TPCN1: variants seen among roughly 807,000 people sequenced by gnomAD.
The protein encoded by TPCN1 is two pore channel protein 1.
A neutral mutation model predicts 108.8 loss-of-function variants in TPCN1; 52 were observed. That is an observed-to-expected ratio of 0.48 (90% confidence interval 0.38 to 0.60). TPCN1 has a LOEUF of 0.60. TPCN1 is among the 20% of genes least tolerant of loss of function. The pLI is 0.00. For synonymous variants in TPCN1, 446 were observed against 433.7 expected (o/e 1.03, Z -0.35); for missense variants, 806 against 1,072.8 (o/e 0.75, Z 3.47).
In TPCN1 at chr12:113,273,343, C is replaced by G. The variant is rs1408076086; in HGVS notation, c.842+53C>G. ...GTCCTCTGCTGCCGCCCTGGGGTCT[C>G]TTTCTCTTTTCTGCCAAGTATATTC... On this transcript the variant is annotated intron_variant, in intron 9 of 27. Coordinates refer to ENST00000335509, the MANE Select transcript of TPCN1 (RefSeq NM_017901.6). This position sits in a 1 kb window ranked among gnomAD's most constrained non-coding sequence, Gnocchi z 4.0. The G allele has an allele frequency of 2.5e-6, 4 of 1,576,910 alleles. No individual in the cohort carries two copies. Among genetic ancestry groups the G allele is most frequent in the African/African-American group, 1.3e-5 (1 of 74,160 alleles).
At chr12:113,230,719 G>A (rs1024116209) in intron 2 of TPCN1, among the ~76,000 whole-genome samples, 3 of 152,138 alleles carry the variant, frequency 2.0e-5, no homozygotes, top group African/African-American at 7.2e-5. Context: ...GCCTCCTGAA[G>A]CGCTGGGATT....
chr12:113,227,053 G>C (rs1953497480), intron 2 of TPCN1, 89 bp downstream of exon 2: 1 of 1,113,632 alleles, frequency 9.0e-7, no homozygotes, highest in Non-Finnish European at 1.3e-6. Context: ...GATAGTAGGG[G>C]TGTGTAACTT....
In TPCN1 at chr12:113,288,356, G is replaced by C. The variant is rs761309173; in HGVS notation, c.1706+122G>C. 2.6e-6 allele frequency: 4 copies of C among 1,527,724 alleles called. No individual in the cohort carries two copies. The highest frequency in any genetic ancestry group is 3.5e-6 in the Non-Finnish European group (4 of 1,139,452). 94.6% of individuals were successfully genotyped at this position (1,527,724 alleles called of 1,614,324 possible). A position where few individuals can be genotyped will look rare whatever the true frequency, so the allele number is the denominator to read the frequency against. On this transcript the variant is annotated intron_variant, in intron 20 of 27. Transcript: ENST00000335509. The surrounding 1 kb of genome is among the most constrained non-coding windows in gnomAD (Gnocchi z 4.8). ...CACAAAGGACTGCAATCGAGGGCCT[G>C]ACGGGGCTCCAAGGAGCCTGGAATC...
intron 2 of TPCN1, among the ~76,000 whole-genome samples, chr12:113,258,156 C>T (rs1300968994): frequency 1.3e-5 from 2 of 152,066 alleles, no homozygotes; most frequent in South Asian, 2.1e-4. Context: ...CACAACTTAG[C>T]GAAACTGTTT....
At chr12:113,278,081 C>A in intron 12 of TPCN1, 108 bp from the exon 13 acceptor site, 1 of 895,614 alleles carries the variant, frequency 1.1e-6, no homozygotes, top group Non-Finnish European at 1.8e-6. Flanking sequence ...TGTCCCCTCT[C>A]TTCCTCCCTC....
chr12:113,281,406 A>G (rs1955882848), intron 15 of TPCN1, among the ~76,000 whole-genome samples: 1 of 152,218 alleles, frequency 6.6e-6, no homozygotes, highest in Non-Finnish European at 1.5e-5. Context: ...AAAAAAAAAT[A>G]AATATCCAGG....
chr12:113,280,908 T>C lies in TPCN1; in HGVS notation c.1342+713T>C, dbSNP rs77022732. Among the ~76,000 whole-genome samples, 62 of 152,334 alleles carry C rather than the reference T, an allele frequency of 4.1e-4. 2 individuals are homozygous for C. In the East Asian group the frequency reaches 0.012, roughly 29 times the overall value. On this transcript the variant is annotated intron_variant, in intron 15 of 27. Coordinates refer to ENST00000335509, the MANE Select transcript of TPCN1 (RefSeq NM_017901.6). Reference sequence around the variant, plus strand: ...TGGTCATTGTTTCTAGGCCTTTCCATGGACAGAACTAGGGTTTTGTTTTTT... The same window carrying C: ...TGGTCATTGTTTCTAGGCCTTTCCACGGACAGAACTAGGGTTTTGTTTTTT...
chr12:113,239,629 A>G (rs1435592445), intron 2 of TPCN1, among the ~76,000 whole-genome samples: 1 of 152,178 alleles, frequency 6.6e-6, no homozygotes, highest in Admixed American at 6.5e-5. Context: ...AAGGAGACTC[A>G]TTCACATGTG....
intron 10 of TPCN1, among the ~76,000 whole-genome samples, chr12:113,276,405 CT>C (rs947415961): frequency 2.6e-5 from 4 of 152,182 alleles, no homozygotes; most frequent in Non-Finnish European, 4.4e-5. Flanking sequence ...TCTCACTCCC[CT>C]TTTTCCTGGG....
chr12:113,286,645 C>T (rs1262360663), intron 18 of TPCN1, among the ~76,000 whole-genome samples: 3 of 152,190 alleles, frequency 2.0e-5, no homozygotes, highest in Non-Finnish European at 2.9e-5. Context: ...GAGCGGAAGA[C>T]GAGGCCTGTC....
At position 113,272,758 on chromosome 12, in the gene TPCN1, C is replaced by T. The variant is rs1413494323; in HGVS notation, c.783+66C>T. ...GGGCTTTTCCCTCAGACAGGGTCACCGGCGTGACCCTGTGGCCATATGGGG... is the reference window on the plus strand; with the variant it reads ...GGGCTTTTCCCTCAGACAGGGTCACTGGCGTGACCCTGTGGCCATATGGGG... On this transcript the variant is annotated intron_variant, in intron 8 of 27. Coordinates refer to ENST00000335509, the MANE Select transcript of TPCN1 (RefSeq NM_017901.6). The surrounding 1 kb of genome is among the most constrained non-coding windows in gnomAD (Gnocchi z 4.1). 1.5e-5 allele frequency: 23 copies of T among 1,492,676 alleles called. No homozygotes were observed. The highest frequency in any genetic ancestry group is 6.7e-5 in the Admixed American group (4 of 59,792). The allele number at this position is 1,492,676 out of a possible 1,614,324, so 92.5% of individuals were successfully genotyped here.
At chr12:113,278,686 CAGGAA>C (rs1955757976) in intron 13 of TPCN1, 81 bp from the exon 14 acceptor site, 3 of 1,098,646 alleles carry the variant, frequency 2.7e-6, no homozygotes, top group Non-Finnish European at 4.2e-6. Context: ...GCAGGGTGAA[CAGGAA>C]AGGAAGCCAG....
intron 2 of TPCN1, among the ~76,000 whole-genome samples, chr12:113,248,596 G>T (rs1482603314): frequency 6.6e-6 from 1 of 152,204 alleles, no homozygotes; most frequent in Non-Finnish European, 1.5e-5. Flanking sequence ...GGAGGCAGAG[G>T]CCCCAAGGCG....
chr12:113,238,982 AAGTT>A (rs1415784194), intron 2 of TPCN1, among the ~76,000 whole-genome samples: 1 of 152,076 alleles, frequency 6.6e-6, no homozygotes, highest in Non-Finnish European at 1.5e-5. Flanking sequence ...AAGTTAAAAA[AAGTT>A]AGCCAGGTGT....
At chr12:113,264,270 G>A (rs1313235813) in intron 3 of TPCN1, among the ~76,000 whole-genome samples, 1 of 152,210 alleles carries the variant, frequency 6.6e-6, no homozygotes. Context: ...TTGCTGCTGG[G>A]TCTGTGGTTT....
chr12:113,256,263 G>A (rs1197361221), intron 2 of TPCN1, among the ~76,000 whole-genome samples: 1 of 151,400 alleles, frequency 6.6e-6, no homozygotes, highest in African/African-American at 2.4e-5. Flanking sequence ...AAGTTCATAT[G>A]GAAGTTCAAA....
rs973199869 is a variant in TPCN1 at position 113,224,554 on chromosome 12, G to A, written c.-125-2174G>A. On this transcript the variant is annotated intron_variant, in intron 1 of 27. Transcript: ENST00000335509. Reference sequence around the variant, plus strand: ...TGGGACTACAGGCGTCTGCCACCACGCCCGGCTAATTTTTTGTATTTTTAG... The same window carrying A: ...TGGGACTACAGGCGTCTGCCACCACACCCGGCTAATTTTTTGTATTTTTAG... Among the ~76,000 whole-genome samples the A allele has an allele frequency of 1.1e-4, 17 of 151,260 alleles. No individual in the cohort carries two copies. In the East Asian group the frequency reaches 1.4e-3, roughly 12 times the overall value.
At chr12:113,227,037 T>A in intron 2 of TPCN1, 73 bp downstream of exon 2, 1 of 1,312,148 alleles carries the variant, frequency 7.6e-7, no homozygotes, top group Non-Finnish European at 1.1e-6. Flanking sequence ...AAGCGCTTTG[T>A]GGTCTGATAG....
intron 3 of TPCN1, among the ~76,000 whole-genome samples, chr12:113,264,320 C>T (rs982384597): frequency 7.2e-5 from 11 of 152,196 alleles, no homozygotes; most frequent in African/African-American, 2.7e-4. Flanking sequence ...GTTTATCCAG[C>T]TTCAGGGAAG....
Sources: allele counts gnomAD v4.1 joint callset (sites outside exome capture counted in the v4.1 genomes callset), GRCh38; gene constraint gnomAD v4.1.1; non-coding constraint Gnocchi (gnomAD v3.1); transcripts MANE v1.5; gene names NCBI Gene and HGNC (gene_info 2026-07-23, HGNC 2026-07-21).